The following ANKRD36 variants were observed in gnomAD, a reference collection of about 807,000 sequenced individuals.
The protein encoded by ANKRD36 is ankyrin repeat domain-containing protein 36A.
A neutral mutation model predicts 278.1 loss-of-function variants in ANKRD36; 179 were observed. The ratio of observed to expected loss-of-function variants is 0.64; its 90% CI spans 0.57 to 0.73. ANKRD36 has a LOEUF of 0.73. Among genes scored for constraint, ANKRD36 ranks in the 30% least tolerant of loss-of-function variants. ANKRD36 has a pLI of 0.00. For missense variants in ANKRD36, 1,159 were observed against 1,956.7 expected (o/e 0.59, Z 7.69); for synonymous variants, 320 against 641.1 (o/e 0.50, Z 7.57).
At chr2:97,179,806 A>G in intron 23 of ANKRD36, 40 bp downstream of exon 23, 2 of 1,598,288 alleles carry the variant, frequency 1.3e-6, no homozygotes, top group Non-Finnish European at 1.7e-6. Context: ...TATTAACTGT[A>G]TAGTCTATGA....
intron 4 of ANKRD36, 132 bp downstream of exon 4, chr2:97,123,125 AAC>A: frequency 4.1e-6 from 3 of 725,162 alleles, no homozygotes; most frequent in Non-Finnish European, 6.3e-6. Flanking sequence ...AGTGAGAAAT[AAC>A]ACAGATCATC....
intron 6 of ANKRD36, among the ~76,000 whole-genome samples, chr2:97,127,705 A>G (rs2038984554): frequency 6.6e-6 from 1 of 152,026 alleles, no homozygotes; most frequent in African/African-American, 2.4e-5. Context: ...TGCTTGAACT[A>G]CTCTCAATCT....
At chr2:97,194,506 A>G (rs2059239531) in intron 38 of ANKRD36, among the ~76,000 whole-genome samples, 2 of 151,588 alleles carry the variant, frequency 1.3e-5, no homozygotes, top group African/African-American at 4.8e-5. Flanking sequence ...ATAAAAAATC[A>G]TACTGTGTTT....
At chr2:97,230,591 C>T (rs576784552) in intron 67 of ANKRD36, among the ~76,000 whole-genome samples, 2 of 152,168 alleles carry the variant, frequency 1.3e-5, no homozygotes, top group South Asian at 2.1e-4. Flanking sequence ...TGAATTTCCT[C>T]CTGTAGCTCA....
At chr2:97,126,391 C>A (rs1266255687) in intron 5 of ANKRD36, among the ~76,000 whole-genome samples, 2 of 150,208 alleles carry the variant, frequency 1.3e-5, no homozygotes, top group Non-Finnish European at 3.0e-5. Flanking sequence ...TTGATGAGCT[C>A]AATAATAGTT....
At chr2:97,175,667 C>T (rs2054024607) in intron 22 of ANKRD36, among the ~76,000 whole-genome samples, 1 of 151,112 alleles carries the variant, frequency 6.6e-6, no homozygotes, top group Admixed American at 6.6e-5. Context: ...CTTCTGCTAG[C>T]TTTTGAATGT....
At chr2:97,171,895 A>G (rs1187823563) in intron 22 of ANKRD36, among the ~76,000 whole-genome samples, 2 of 152,086 alleles carry the variant, frequency 1.3e-5, no homozygotes, top group African/African-American at 4.8e-5. Context: ...AGCAATGGCA[A>G]CAAAAGCCAG....
At chr2:97,215,574 G>T (rs1468190471) in intron 62 of ANKRD36, 77 bp downstream of exon 62, 7 of 1,585,534 alleles carry the variant, frequency 4.4e-6, no homozygotes, top group African/African-American at 2.7e-5. Flanking sequence ...AATCAGCGGG[G>T]GGTTCATTGA....
chr2:97,139,199 T>C (rs1437340969), intron 6 of ANKRD36, among the ~76,000 whole-genome samples: 1 of 151,752 alleles, frequency 6.6e-6, no homozygotes, highest in Non-Finnish European at 1.5e-5. Context: ...TTGGTAGACA[T>C]AGCCTTTAAG....
At chr2:97,200,059 A>T (rs1188863721) in intron 44 of ANKRD36, among the ~76,000 whole-genome samples, 1 of 151,888 alleles carries the variant, frequency 6.6e-6, no homozygotes, top group African/African-American at 2.4e-5. Flanking sequence ...ATCACTCGGC[A>T]TATCCACATT....
Position 97,191,079 on chromosome 2 carries a change from A to G in ANKRD36, c.2275-30A>G, listed in dbSNP as rs562632462. 6.1e-5 allele frequency: 97 copies of G among 1,591,562 alleles called. 4 individuals carry two copies. The South Asian group carries it at 8.9e-4, about 15-fold the overall frequency. On this transcript the variant is annotated intron_variant, in intron 35 of 75. Coordinates refer to ENST00000420699, the MANE Select transcript of ANKRD36 (RefSeq NM_001354587.1). ...TGAAATATACTTCATTGATTTATTT[A>G]TTTATTACTTTCTTTCAAATTCCAT...
chr2:97,232,185 T>G (rs2072387756), intron 67 of ANKRD36, among the ~76,000 whole-genome samples: 1 of 151,994 alleles, frequency 6.6e-6, no homozygotes, highest in South Asian at 2.1e-4. Context: ...TTACACTTGA[T>G]TATTTAAAGA....
intron 50 of ANKRD36, among the ~76,000 whole-genome samples, chr2:97,204,861 G>T (rs1472220908): frequency 3.3e-5 from 5 of 151,490 alleles, no homozygotes; most frequent in African/African-American, 1.2e-4. Flanking sequence ...TCCAGCAACT[G>T]CTGGAAGCAG....
At chr2:97,217,645 A>G (rs1218137260) in intron 64 of ANKRD36, among the ~76,000 whole-genome samples, 1 of 152,122 alleles carries the variant, frequency 6.6e-6, no homozygotes, top group East Asian at 2.0e-4. Flanking sequence ...GGATCCGGGG[A>G]CAGCATAATT....
intron 24 of ANKRD36, among the ~76,000 whole-genome samples, chr2:97,181,264 T>G (rs1487215382): frequency 2.0e-5 from 3 of 151,684 alleles, no homozygotes; most frequent in African/African-American, 7.2e-5. Context: ...TACCACCTGC[T>G]TTGACATTGA....
intron 1 of ANKRD36, among the ~76,000 whole-genome samples, chr2:97,116,841 T>G (rs1021986528): frequency 6.6e-6 from 1 of 152,042 alleles, no homozygotes. Flanking sequence ...GTTTTTTTCA[T>G]AATAAACTTC....
In ANKRD36 at chr2:97,155,661, C is replaced by G. The variant is rs559371130; in HGVS notation, c.1260+920C>G. On this transcript the variant is annotated intron_variant, in intron 15 of 75. Transcript: ENST00000420699. ...AGACTTTAATTTCTCATGGTTTCTG[C>G]GTTGTAATTAAAAAAAATCCACTCA... 4.0e-4 allele frequency among the ~76,000 whole-genome samples: 58 copies of G among 145,628 alleles called. 7 individuals carry two copies. Among genetic ancestry groups the G allele is most frequent in the Non-Finnish European group, 7.1e-4 (46 of 64,622 alleles).
Position 97,207,694 on chromosome 2 carries a change from T to C in ANKRD36, c.3164-117T>C. 4.7e-6 allele frequency: 7 copies of C among 1,484,458 alleles called. 1 individual carries two copies. The South Asian group carries it at 4.9e-5, about 10-fold the overall frequency. 92.0% of individuals were successfully genotyped at this position (1,484,458 alleles called of 1,614,324 possible). ...GTCCCCAGACACAAAGTAGAAGCCA[T>C]CAAAGCCTACGCTAATACAGGCAGG... On this transcript the variant is annotated intron_variant, in intron 52 of 75. Coordinates refer to ENST00000420699, the MANE Select transcript of ANKRD36 (RefSeq NM_001354587.1).
intron 44 of ANKRD36, among the ~76,000 whole-genome samples, chr2:97,199,575 A>C (rs1258239118): frequency 1.3e-5 from 2 of 151,914 alleles, no homozygotes; most frequent in Non-Finnish European, 2.9e-5. Context: ...TGAAAAACTG[A>C]GTAATATCTA....
Sources: allele counts gnomAD v4.1 joint callset (sites outside exome capture counted in the v4.1 genomes callset), GRCh38; gene constraint gnomAD v4.1.1; transcripts MANE v1.5; gene names NCBI Gene and HGNC (gene_info 2026-07-23, HGNC 2026-07-21).